PKP4: variants seen among roughly 807,000 people sequenced by gnomAD.
The protein encoded by PKP4 is plakophilin-4.
PKP4 carries 90 observed loss-of-function variants against 145.1 expected under a neutral mutation model. The observed-to-expected ratio is 0.62, with a 90% CI of 0.52 to 0.74. PKP4 has a LOEUF of 0.74. Ranked by LOEUF, PKP4 falls within the 30% of genes least tolerant of loss-of-function variation. The pLI is 0.00. For synonymous variants in PKP4, 563 were observed against 577.2 expected, an observed-to-expected ratio of 0.98 and a Z score of 0.35; for missense variants, 1,340 against 1,482.7, an observed-to-expected ratio of 0.90 and a Z score of 1.58.
intron 1 of PKP4, chr2:158,457,425 C>G (rs966240835): frequency 6.6e-6 from 1 of 152,406 alleles, no homozygotes; most frequent in African/African-American, 2.4e-5. Context: ...CTCCCCTCCC[C>G]CCGGCAGGCG....
intron 3 of PKP4, among the ~76,000 whole-genome samples, chr2:158,598,255 A>G (rs1408926837): frequency 6.6e-6 from 1 of 152,172 alleles, no homozygotes; most frequent in Non-Finnish European, 1.5e-5. Context: ...CTAAGAGACT[A>G]GTAACAGTAG....
At chr2:158,530,797 T>C (rs960847941) in intron 1 of PKP4, among the ~76,000 whole-genome samples, 18 of 152,070 alleles carry the variant, frequency 1.2e-4, no homozygotes, top group African/African-American at 4.3e-4. Flanking sequence ...CTAATGACTG[T>C]TCATGGTTGC....
At chr2:158,485,404 C>T (rs1294670425) in intron 1 of PKP4, among the ~76,000 whole-genome samples, 1 of 152,214 alleles carries the variant, frequency 6.6e-6, no homozygotes, top group Non-Finnish European at 1.5e-5. Flanking sequence ...ATCCAACCCA[C>T]TTAACCCTAG....
chr2:158,457,438 CAA>C (rs1559162631), intron 1 of PKP4: 1 of 152,468 alleles, frequency 6.6e-6, no homozygotes, highest in Non-Finnish European at 1.5e-5. Flanking sequence ...GGCAGGCGCA[CAA>C]GTTTCACCCT....
chr2:158,467,236 T>A (rs1340478554), intron 1 of PKP4, among the ~76,000 whole-genome samples: 1 of 152,170 alleles, frequency 6.6e-6, no homozygotes. Flanking sequence ...TTTTCCCCAG[T>A]GGTAACATCT....
chr2:158,533,429 A>G (rs761444598), intron 2 of PKP4, 113 bp downstream of exon 2: 22 of 1,262,732 alleles, frequency 1.7e-5, no homozygotes, highest in Non-Finnish European at 2.3e-5. Flanking sequence ...CACGTTTTCT[A>G]ATTATAAGGT....
chr2:158,591,660 A>G (rs2049285812), intron 3 of PKP4, among the ~76,000 whole-genome samples: 1 of 152,116 alleles, frequency 6.6e-6, no homozygotes. Context: ...AATGTTTATA[A>G]GATTAGTATG....
intron 11 of PKP4, among the ~76,000 whole-genome samples, chr2:158,646,278 T>A (rs1255482383): frequency 6.6e-6 from 1 of 152,198 alleles, no homozygotes; most frequent in South Asian, 2.1e-4. Flanking sequence ...GTGGACTGAT[T>A]ATCAAATGTT....
intron 3 of PKP4, among the ~76,000 whole-genome samples, chr2:158,592,684 A>C (rs932218176): frequency 1.3e-5 from 2 of 152,136 alleles, no homozygotes; most frequent in Non-Finnish European, 1.5e-5. Flanking sequence ...CACCAGATTT[A>C]ATAGTACCTT....
chr2:158,550,459 C>T (rs1421269219), intron 2 of PKP4, among the ~76,000 whole-genome samples: 1 of 152,158 alleles, frequency 6.6e-6, no homozygotes, highest in Non-Finnish European at 1.5e-5. Flanking sequence ...TTCTGTAAAG[C>T]AGTTTTCAAA....
chr2:158,651,685 C>T (rs2055378310), intron 11 of PKP4, among the ~76,000 whole-genome samples: 1 of 151,876 alleles, frequency 6.6e-6, no homozygotes, highest in Non-Finnish European at 1.5e-5. Context: ...CACAAGTTCA[C>T]ACACTTTGAA....
At chr2:158,550,990 T>G (rs969330224) in intron 2 of PKP4, among the ~76,000 whole-genome samples, 1 of 152,254 alleles carries the variant, frequency 6.6e-6, no homozygotes, top group African/African-American at 2.4e-5. Flanking sequence ...ATAAAATATG[T>G]GACCATATAT....
intron 3 of PKP4, among the ~76,000 whole-genome samples, chr2:158,581,085 T>G (rs374448092): frequency 4.9e-4 from 75 of 152,292 alleles, no homozygotes; most frequent in African/African-American, 1.7e-3. Flanking sequence ...GCTAAAGTTT[T>G]TTATTGTGTC....
chr2:158,529,976 C>T (rs2043369621), intron 1 of PKP4, among the ~76,000 whole-genome samples: 1 of 152,106 alleles, frequency 6.6e-6, no homozygotes, highest in African/African-American at 2.4e-5. Context: ...TGTTAGAAAC[C>T]TCTATAGGTT....
chr2:158,624,933 A>T lies in PKP4; in HGVS notation c.659A>T (p.Gln220Leu). 6.2e-7 allele frequency: 1 copy of T among 1,613,652 alleles called. No homozygotes were observed. Among genetic ancestry groups the T allele is most frequent in the Non-Finnish European group, 8.5e-7 (1 of 1,179,760 alleles). The change falls in exon 7 of 22, where the codon CAG (glutamine) becomes CTG (leucine). Residue 220 changes from glutamine to leucine, a missense_variant. Coordinates refer to ENST00000389759, the MANE Select transcript of PKP4 (RefSeq NM_003628.6). Reference protein sequence around the residue: ...RRVSSVPSRAQSPSYVISTGV... With the variant: ...RRVSSVPSRALSPSYVISTGV... ...GTTAGTTCAGTTCCATCTAGAGCAC[A>T]GTCTCCTTCTTATGTTATCAGCACA...
intron 7 of PKP4, among the ~76,000 whole-genome samples, chr2:158,626,010 C>T (rs1206179540): frequency 1.3e-5 from 2 of 152,110 alleles, no homozygotes; most frequent in Non-Finnish European, 2.9e-5. Flanking sequence ...GCTGTTCCAA[C>T]TTCAGGGTTT....
chr2:158,580,495 A>C (rs554171702), intron 3 of PKP4, among the ~76,000 whole-genome samples: 7 of 152,226 alleles, frequency 4.6e-5, no homozygotes, highest in African/African-American at 1.7e-4. Context: ...AAAAGGACCT[A>C]CTGGCTTATG....
At chr2:158,636,902 C>CT (rs1405824570) in intron 9 of PKP4, among the ~76,000 whole-genome samples, 1 of 152,054 alleles carries the variant, frequency 6.6e-6, no homozygotes, top group Non-Finnish European at 1.5e-5. Context: ...ACATCTTTTT[C>CT]TTTAAGTCTT....
chr2:158,534,375 A>C (rs1294239667), intron 2 of PKP4, among the ~76,000 whole-genome samples: 1 of 152,196 alleles, frequency 6.6e-6, no homozygotes, highest in African/African-American at 2.4e-5. Flanking sequence ...ACAAGATGTC[A>C]ACATTTTTTT....
Sources: gnomAD v4.1 joint callset for allele counts (sites outside exome capture counted in the v4.1 genomes callset) on GRCh38, gnomAD v4.1.1 for gene constraint, MANE v1.5 for transcripts, NCBI Gene and HGNC (gene_info 2026-07-23, HGNC 2026-07-21) for gene names.